CAMTA1: variants seen among roughly 807,000 people sequenced by gnomAD.
The protein encoded by CAMTA1 is calmodulin binding transcription activator 1.
Under a neutral mutation model 170.9 loss-of-function variants are expected in CAMTA1, and 27 were observed. The observed-to-expected ratio is 0.16, with a 90% confidence interval of 0.12 to 0.22. CAMTA1 has a LOEUF of 0.22. Ranked by LOEUF, CAMTA1 falls within the 10% of genes least tolerant of loss-of-function variation. The pLI is 1.00. For synonymous variants in CAMTA1, 833 were observed against 891.5 expected (o/e 0.93, Z 1.17); for missense variants, 1,619 against 2,217.2 (o/e 0.73, Z 5.42).
At chr1:7,493,120 G>T (rs1402934725) in intron 6 of CAMTA1, among the ~76,000 whole-genome samples, 1 of 109,196 alleles carries the variant, frequency 9.2e-6, no homozygotes, top group Non-Finnish European at 1.7e-5. Flanking sequence ...ACACACACGC[G>T]CACACACAGA....
intron 4 of CAMTA1, among the ~76,000 whole-genome samples, chr1:7,174,693 T>G (rs2148846355): frequency 6.6e-6 from 1 of 152,292 alleles, no homozygotes; most frequent in Non-Finnish European, 1.5e-5. Flanking sequence ...CTTCCTCCAG[T>G]CACGAGAGGC....
intron 6 of CAMTA1, among the ~76,000 whole-genome samples, chr1:7,619,407 C>A (rs2095581775): frequency 6.6e-6 from 1 of 152,134 alleles, no homozygotes; most frequent in Admixed American, 6.5e-5. Context: ...TGACTGCAGT[C>A]CAGGTTCACA....
intron 3 of CAMTA1, among the ~76,000 whole-genome samples, chr1:6,989,969 G>A (rs1034622018): frequency 1.3e-5 from 2 of 152,166 alleles, no homozygotes; most frequent in Non-Finnish European, 2.9e-5. Flanking sequence ...TGCATTCCAG[G>A]CAACAAGTGG....
intron 22 of CAMTA1, among the ~76,000 whole-genome samples, chr1:7,759,170 G>T (rs945687549): frequency 2.0e-5 from 3 of 151,812 alleles, no homozygotes; most frequent in African/African-American, 7.3e-5. Flanking sequence ...GAAAAGAAAA[G>T]AAAAATAATA....
intron 6 of CAMTA1, among the ~76,000 whole-genome samples, chr1:7,621,892 G>T (rs750845101): frequency 6.6e-6 from 1 of 152,140 alleles, no homozygotes; most frequent in African/African-American, 2.4e-5. Flanking sequence ...GCCACGTCTC[G>T]GCTCCCTGGC....
chr1:6,823,799 A>G (rs1339949364), intron 2 of CAMTA1, among the ~76,000 whole-genome samples: 1 of 152,166 alleles, frequency 6.6e-6, no homozygotes, highest in Non-Finnish European at 1.5e-5. Flanking sequence ...AATAACTGGA[A>G]AAAGATATTG....
At chr1:7,497,950 C>A (rs61772248) in intron 6 of CAMTA1, among the ~76,000 whole-genome samples, 8,715 of 152,266 alleles carry the variant, frequency 0.057, 328 homozygotes, top group Middle Eastern at 0.088. Flanking sequence ...GGAAGACAGG[C>A]CTTGTCTGCT....
At position 7,195,557 on chromosome 1, in the gene CAMTA1, A is replaced by C. The variant is rs969968109; in HGVS notation, c.303-53934A>C. ...CTGATGCAGGTGGATACCAGCAGGC[A>C]ACAGTGGTTGGCACTGTGACACTCT... On this transcript the variant is annotated intron_variant, in intron 4 of 22. Transcript: ENST00000303635. The surrounding 1 kb of genome is among the most constrained non-coding windows in gnomAD (Gnocchi z 4.1). 6.6e-6 allele frequency among the ~76,000 whole-genome samples: 1 copy of C among 152,116 alleles called. No individual in the cohort carries two copies. The highest frequency in any genetic ancestry group is 6.5e-5 in the Admixed American group (1 of 15,280).
At chr1:7,500,562 C>T (rs1285381975) in intron 6 of CAMTA1, among the ~76,000 whole-genome samples, 5 of 152,232 alleles carry the variant, frequency 3.3e-5, no homozygotes, top group Admixed American at 6.5e-5. Flanking sequence ...GTCTTGAGGA[C>T]GCGGCCCTGC....
Position 6,820,196 on chromosome 1 carries a change from G to T in CAMTA1, c.61G>T (p.Val21Leu). The T allele has an allele frequency of 6.3e-7, 1 of 1,596,074 alleles. No individual in the cohort carries two copies. The highest frequency in any genetic ancestry group is 8.6e-7 in the Non-Finnish European group (1 of 1,163,550). The change falls in exon 2 of 23, where the codon GTA becomes TTA. Residue 21 changes from valine to leucine, a missense_variant. Physicochemically the swap from Val to Leu is conservative, Grantham distance 32. Transcript: ENST00000303635. ...KTSRKSVSQSVFCGTSTYCVL... is the reference protein window; with the variant it reads ...KTSRKSVSQSLFCGTSTYCVL... ...GTTTCCTTAGAGCGTTTCCCAAAGT[G>T]TATTCTGCGGAACTAGCACCTACTG...
At chr1:6,799,181 C>T (rs1224729863) in intron 1 of CAMTA1, among the ~76,000 whole-genome samples, 1 of 152,212 alleles carries the variant, frequency 6.6e-6, no homozygotes, top group Non-Finnish European at 1.5e-5. Context: ...GATCCTCCTG[C>T]CTCAGCCTCC....
chr1:7,499,686 G>A (rs2093941635), intron 6 of CAMTA1, among the ~76,000 whole-genome samples: 1 of 142,334 alleles, frequency 7.0e-6, no homozygotes, highest in Non-Finnish European at 1.5e-5. Flanking sequence ...TGTGAACCTG[G>A]TGTGCGTGCA....
intron 11 of CAMTA1, among the ~76,000 whole-genome samples, chr1:7,717,064 TA>T (rs1316158316): frequency 6.6e-6 from 1 of 152,036 alleles, no homozygotes; most frequent in East Asian, 1.9e-4. Context: ...GGCAGAGTCT[TA>T]AAAAGTTGAT....
At chr1:7,322,668 GTT>G (rs770423255) in intron 5 of CAMTA1, among the ~76,000 whole-genome samples, 14 of 152,308 alleles carry the variant, frequency 9.2e-5, no homozygotes, top group Non-Finnish European at 2.1e-4. Flanking sequence ...TTTCTCCTAA[GTT>G]TTCAAATGAG....
chr1:7,027,761 G>C (rs913063462), intron 3 of CAMTA1, among the ~76,000 whole-genome samples: 1 of 152,290 alleles, frequency 6.6e-6, no homozygotes, highest in Non-Finnish European at 1.5e-5. Flanking sequence ...AGTCTTTAAT[G>C]TGGGATGCAG....
At chr1:7,308,907 A>G (rs976770433) in intron 5 of CAMTA1, among the ~76,000 whole-genome samples, 1 of 152,250 alleles carries the variant, frequency 6.6e-6, no homozygotes, top group African/African-American at 2.4e-5. Flanking sequence ...CTGAGAGAGA[A>G]GTACTGAAGC....
intron 1 of CAMTA1, among the ~76,000 whole-genome samples, chr1:6,803,472 G>A (rs1644133947): frequency 6.6e-6 from 1 of 152,142 alleles, no homozygotes; most frequent in Non-Finnish European, 1.5e-5. Flanking sequence ...ATAGAAGACA[G>A]GTGGAATACT....
intron 9 of CAMTA1, among the ~76,000 whole-genome samples, chr1:7,666,023 A>T (rs2095998025): frequency 6.6e-6 from 1 of 151,720 alleles, no homozygotes; most frequent in Non-Finnish European, 1.5e-5. Flanking sequence ...CAAAAAATTA[A>T]CTGGGCGTAG....
At chr1:7,669,022 C>T (rs1033757888) in intron 9 of CAMTA1, among the ~76,000 whole-genome samples, 1 of 152,184 alleles carries the variant, frequency 6.6e-6, no homozygotes, top group African/African-American at 2.4e-5. Flanking sequence ...GCCACTTCCA[C>T]GGAGCTGCAA....
Sources: gnomAD v4.1 joint callset for allele counts (sites outside exome capture counted in the v4.1 genomes callset) on GRCh38, gnomAD v4.1.1 for gene constraint, Gnocchi (gnomAD v3.1) non-coding constraint, MANE v1.5 for transcripts, NCBI Gene and HGNC (gene_info 2026-07-23, HGNC 2026-07-21) for gene names.